Variants in DNAH11 observed in about 807,000 individuals in gnomAD.
The protein encoded by DNAH11 is dynein axonemal heavy chain 11.
In DNAH11, 442 loss-of-function variants were observed where a neutral mutation model predicts 526.0. That is an observed-to-expected ratio of 0.84 (90% confidence interval 0.78 to 0.91). DNAH11 has a LOEUF of 0.91. DNAH11 is among the 40% of genes least tolerant of loss of function. The pLI is 0.00. For synonymous variants in DNAH11, 2,461 were observed against 1,935.9 expected (o/e 1.27, Z -7.12); for missense variants, 6,989 against 5,448.7 (o/e 1.28, Z -8.90).
intron 54 of DNAH11, among the ~76,000 whole-genome samples, chr7:21,755,506 G>GTA (rs762453422): frequency 6.0e-4 from 90 of 150,806 alleles, no homozygotes; most frequent in East Asian, 3.5e-3. Flanking sequence ...ATCTTTCTAA[G>GTA]TATATATATA....
intron 56 of DNAH11, among the ~76,000 whole-genome samples, chr7:21,778,331 A>C (rs1787772084): frequency 6.6e-6 from 1 of 152,146 alleles, no homozygotes; most frequent in African/African-American, 2.4e-5. Context: ...ACAGCATACT[A>C]ATACCCCAAA....
Position 21,725,777 on chromosome 7 carries a change from A to G in DNAH11, c.7267-34A>G, listed in dbSNP as rs72657356. The G allele has an allele frequency of 2.8e-3, 4,377 of 1,575,314 alleles. 106 individuals are homozygous for G. The African/African-American group carries it at 0.053, about 19-fold the overall frequency. ...TTTTTTTACAGTTTTAATTACTTTG[A>G]GTCTGCAATAAGGATTTCTTTTGTT... On this transcript the variant is annotated intron_variant, in intron 44 of 81. Transcript: ENST00000409508.
At chr7:21,646,980 A>C (rs746870745) in intron 28 of DNAH11, among the ~76,000 whole-genome samples, 45 of 152,194 alleles carry the variant, frequency 3.0e-4, no homozygotes, top group Non-Finnish European at 6.6e-4. Flanking sequence ...ATGAAAAAAG[A>C]GACAAATCAA....
chr7:21,588,909 T>G (rs1784572267), intron 11 of DNAH11, among the ~76,000 whole-genome samples: 1 of 152,174 alleles, frequency 6.6e-6, no homozygotes, highest in Admixed American at 6.5e-5. Flanking sequence ...CGTTATTGTT[T>G]TTCCTTTTTC....
chr7:21,590,854 C>G (rs1784647469), intron 12 of DNAH11, 64 bp from the exon 13 acceptor site: 2 of 1,002,774 alleles, frequency 2.0e-6, no homozygotes, highest in Non-Finnish European at 2.7e-6. Context: ...TCAAGTTAAA[C>G]TTGAGTTAAA....
At position 21,787,592 on chromosome 7, in the gene DNAH11, C is replaced by A; in HGVS notation, c.9924+9C>A. The A allele has an allele frequency of 5.0e-6, 8 of 1,595,462 alleles. No individual in the cohort carries two copies. The highest frequency in any genetic ancestry group is 6.0e-6 in the Non-Finnish European group (7 of 1,170,028). ...TCATTAAATTCTATGAGGTATCAAT[C>A]CTAAATTGATTGTTTACAGATGTTC... On this transcript the variant is annotated intron_variant, in intron 60 of 81. Transcript: ENST00000409508.
Position 21,707,607 on chromosome 7 carries a change from T to C in DNAH11, c.6547-92T>C, listed in dbSNP as rs940392258. Reference sequence around the variant, plus strand: ...CACACACACAGCATCTAGGAACATATAATGAATACGGAAAACTCTTCAGAA... The same window carrying C: ...CACACACACAGCATCTAGGAACATACAATGAATACGGAAAACTCTTCAGAA... On this transcript the variant is annotated intron_variant, in intron 39 of 81. Coordinates refer to ENST00000409508, the MANE Select transcript of DNAH11 (RefSeq NM_001277115.2). The C allele has an allele frequency of 6.9e-6, 10 of 1,453,292 alleles. No individual in the cohort carries two copies. In the East Asian group the frequency reaches 7.2e-5, roughly 10 times the overall value. The allele number at this position is 1,453,292 out of a possible 1,614,324, so 90.0% of individuals were successfully genotyped here.
In DNAH11 at chr7:21,570,095, C is replaced by T. The variant is rs1180768493; in HGVS notation, c.1221C>T (p.Asp407=). The change falls in exon 7 of 82, where the codon GAC becomes GAT. Residue 407 remains aspartate, a synonymous_variant. Transcript: ENST00000409508. ...NQATAYLSPE[D]LLRGEIEESL... is the part of the protein sequence containing the mutation. Reference sequence around the variant, plus strand: ...CAACAGCTTACCTTTCACCTGAGGACCTTTTGAGGGGAGAAATAGAAGAGT... The same window carrying T: ...CAACAGCTTACCTTTCACCTGAGGATCTTTTGAGGGGAGAAATAGAAGAGT... 1.2e-6 allele frequency: 2 copies of T among 1,610,798 alleles called. No homozygotes were observed. The highest frequency in any genetic ancestry group is 1.7e-6 in the Non-Finnish European group (2 of 1,178,422).
Position 21,670,406 on chromosome 7 carries a change from T to C in DNAH11, c.5329-11140T>C, listed in dbSNP as rs534139768. ...ATCTTGGGGCTTTGCTAAATTTACT[T>C]AGTACATTTAGTAGTTTTTAAATAA... On this transcript the variant is annotated intron_variant, in intron 30 of 81. Coordinates refer to ENST00000409508, the MANE Select transcript of DNAH11 (RefSeq NM_001277115.2). Among the ~76,000 whole-genome samples, 7 of 152,296 alleles carry C rather than the reference T, an allele frequency of 4.6e-5. No homozygotes were observed. In the South Asian group the frequency reaches 1.4e-3, roughly 32 times the overall value.
rs188041251 is a variant in DNAH11, at chr7:21,856,759, A to G, written c.11202+2304A>G. Among the ~76,000 whole-genome samples, 10 of 140,978 alleles carry G rather than the reference A, an allele frequency of 7.1e-5. No individual in the cohort carries two copies. The East Asian group carries it at 2.0e-3, about 28-fold the overall frequency. The allele number at this position is 140,978 out of a possible 152,430, so 92.5% of individuals were successfully genotyped here. The stretch of plus-strand genomic sequence containing the variant: ...TATGGTCATTTCAGTTGATGCAAAG[A>G]ACTTGAAAAATTTCAACAAATGAGT... On this transcript the variant is annotated intron_variant, in intron 68 of 81. Coordinates refer to ENST00000409508, the MANE Select transcript of DNAH11 (RefSeq NM_001277115.2).
intron 25 of DNAH11, among the ~76,000 whole-genome samples, chr7:21,625,175 T>G (rs1171197844): frequency 6.6e-6 from 1 of 152,044 alleles, no homozygotes; most frequent in Non-Finnish European, 1.5e-5. Context: ...AGGCCTTTCT[T>G]TTGAGGGGAA....
intron 28 of DNAH11, among the ~76,000 whole-genome samples, chr7:21,644,546 C>T (rs1462703081): frequency 6.6e-6 from 1 of 152,040 alleles, no homozygotes; most frequent in Non-Finnish European, 1.5e-5. Flanking sequence ...AAAGATAAGA[C>T]GTATCTAATG....
At chr7:21,869,549 C>T (rs923630877) in intron 73 of DNAH11, among the ~76,000 whole-genome samples, 2 of 152,098 alleles carry the variant, frequency 1.3e-5, no homozygotes, top group African/African-American at 2.4e-5. Context: ...ACACCCCAAC[C>T]TCACAGATTG....
rs774799193 is a variant in DNAH11 at position 21,804,078 on chromosome 7, GTTTTTTTTGTTTTGT to G, written c.10165+2807_10165+2821del. ...GGTGATAGCCTCATTTCTTGTAGTA[GTTTTTTTTGTTTTGT>G]TTTGTTTTGTTTTGTTTTGTTTTGT... On this transcript the variant is annotated intron_variant, in intron 62 of 81. Coordinates refer to ENST00000409508, the MANE Select transcript of DNAH11 (RefSeq NM_001277115.2). 9.5e-3 allele frequency among the ~76,000 whole-genome samples: 1,107 copies of G among 116,614 alleles called. 7 individuals are homozygous for G. Among genetic ancestry groups the G allele is most frequent in the Non-Finnish European group, 0.014 (790 of 56,308 alleles). 76.5% of individuals were successfully genotyped at this position (116,614 alleles called of 152,430 possible).
chr7:21,598,123 A>G (rs1232190553), intron 14 of DNAH11, among the ~76,000 whole-genome samples: 3 of 152,206 alleles, frequency 2.0e-5, no homozygotes, highest in Non-Finnish European at 2.9e-5. Context: ...CCTGGATCAT[A>G]TATCCATAGT....
At chr7:21,824,193 A>G (rs1190328548) in intron 65 of DNAH11, among the ~76,000 whole-genome samples, 2 of 152,194 alleles carry the variant, frequency 1.3e-5, no homozygotes, top group African/African-American at 2.4e-5. Flanking sequence ...TTTTAATTTT[A>G]TTATTTAATA....
chr7:21,616,697 C>A (rs1271370671), intron 22 of DNAH11, among the ~76,000 whole-genome samples: 1 of 152,102 alleles, frequency 6.6e-6, no homozygotes, highest in Non-Finnish European at 1.5e-5. Context: ...AGCATGCCAC[C>A]TCTGGATTTA....
At chr7:21,735,205 C>T (rs896463750) in intron 45 of DNAH11, among the ~76,000 whole-genome samples, 1 of 152,096 alleles carries the variant, frequency 6.6e-6, no homozygotes, top group South Asian at 2.1e-4. Flanking sequence ...GGCATTGGTC[C>T]CGATTTTCAT....
In DNAH11 at chr7:21,600,757, T is replaced by C. The variant is rs1367566681; in HGVS notation, c.3082T>C (p.Leu1028=). The C allele has an allele frequency of 1.9e-6, 3 of 1,613,892 alleles. No individual in the cohort carries two copies. Among genetic ancestry groups the C allele is most frequent in the Non-Finnish European group, 2.5e-6 (3 of 1,179,846 alleles). The change falls in exon 16 of 82, where the codon TTA becomes CTA. Residue 1028 remains leucine, a synonymous_variant. Coordinates refer to ENST00000409508, the MANE Select transcript of DNAH11 (RefSeq NM_001277115.2). ...AGTGGTGAATGTCATCAACAAAGTC[T>C]TAGATTTCAGAAACACCCTGGAGAC... ...NRVVNVINKV[L]DFRNTLETHT...
Sources: allele counts gnomAD v4.1 joint callset (sites outside exome capture counted in the v4.1 genomes callset), GRCh38; gene constraint gnomAD v4.1.1; transcripts MANE v1.5; gene names NCBI Gene and HGNC (gene_info 2026-07-23, HGNC 2026-07-21).